The following BRD10 variants were observed in gnomAD, a reference collection of about 807,000 sequenced individuals.
BRD10 encodes the protein uncharacterized bromodomain-containing protein 10.
chr9:5,891,303 G>C, the BRD10 span: 4 of 152,224 alleles, frequency 2.6e-5, no homozygotes, highest in Non-Finnish European at 5.9e-5. Context: ...TGAGTTTGAG[G>C]TATGGGATGT....
At chr9:5,921,227 A>G in the BRD10 span, 20 of 1,613,990 alleles carry the variant, frequency 1.2e-5, no homozygotes, top group Admixed American at 1.7e-5. Flanking sequence ...TATAGCTGGC[A>G]CAGTGCCTGA....
At chr9:5,995,963 A>G in the BRD10 span, among the ~76,000 whole-genome samples, 1 of 152,216 alleles carries the variant, frequency 6.6e-6, no homozygotes, top group Non-Finnish European at 1.5e-5. Context: ...AAAAGTCAAA[A>G]AGAAAAACAG....
the BRD10 span, among the ~76,000 whole-genome samples, chr9:5,971,108 A>G: frequency 1.3e-5 from 2 of 150,688 alleles, no homozygotes; most frequent in East Asian, 1.9e-4. Context: ...TTGAATAGAT[A>G]TTTCTTTAAA....
the BRD10 span, chr9:6,007,382 C>A: frequency 3.7e-6 from 6 of 1,612,214 alleles, no homozygotes; most frequent in Non-Finnish European, 5.1e-6. Flanking sequence ...AGACACATGC[C>A]CTGTCCGGGC....
chr9:5,925,522 TA>T, the BRD10 span, among the ~76,000 whole-genome samples: 1 of 152,226 alleles, frequency 6.6e-6, no homozygotes, highest in East Asian at 1.9e-4. Flanking sequence ...ATTAGAGTCT[TA>T]AAATTACTGA....
At chr9:6,005,548 A>C in the BRD10 span, among the ~76,000 whole-genome samples, 1 of 152,330 alleles carries the variant, frequency 6.6e-6, no homozygotes, top group Non-Finnish European at 1.5e-5. Flanking sequence ...AGAGCTTTTG[A>C]AAACACCAGT....
chr9:5,937,482 C>A, the BRD10 span, among the ~76,000 whole-genome samples: 97 of 152,198 alleles, frequency 6.4e-4, no homozygotes, highest in African/African-American at 2.2e-3. Flanking sequence ...TTGCAGTGAG[C>A]CGAGATCATG....
At chr9:5,980,945 C>G in the BRD10 span, among the ~76,000 whole-genome samples, 2 of 152,190 alleles carry the variant, frequency 1.3e-5, no homozygotes, top group Non-Finnish European at 2.9e-5. Context: ...GTAACAACAA[C>G]AACAACAAAA....
the BRD10 span, among the ~76,000 whole-genome samples, chr9:5,992,440 A>G: frequency 1.3e-5 from 2 of 152,320 alleles, no homozygotes; most frequent in South Asian, 4.1e-4. Flanking sequence ...TAATCAGTGA[A>G]TAAAATAAGA....
chr9:5,931,265 A>C, the BRD10 span, among the ~76,000 whole-genome samples: 1 of 152,212 alleles, frequency 6.6e-6, no homozygotes, highest in Admixed American at 6.5e-5. Flanking sequence ...GACCTTACTT[A>C]GGCCTAGGTA....
At chr9:5,985,908 A>G in the BRD10 span, among the ~76,000 whole-genome samples, 1 of 152,202 alleles carries the variant, frequency 6.6e-6, no homozygotes, top group African/African-American at 2.4e-5. Flanking sequence ...ACTAGATGGC[A>G]TTTATGGCTA....
At chr9:5,897,463 A>G in the BRD10 span, 1 of 1,199,992 alleles carries the variant, frequency 8.3e-7, no homozygotes, top group Non-Finnish European at 1.2e-6. Flanking sequence ...CTGGGTCGTC[A>G]AAGTCCATAT....
chr9:5,993,312 T>TAAAAAAAAAAAAAAAAAAAAAAAAAA, the BRD10 span, among the ~76,000 whole-genome samples: 1 of 116,676 alleles, frequency 8.6e-6, no homozygotes, highest in Non-Finnish European at 1.6e-5. Context: ...GAGACTCCAT[T>TAAAAAAAAAAAAAAAAAAAAAAAAAA]AAAAAAAAAA....
At chr9:5,951,542 T>C in the BRD10 span, among the ~76,000 whole-genome samples, 1 of 152,208 alleles carries the variant, frequency 6.6e-6, no homozygotes, top group South Asian at 2.1e-4. Flanking sequence ...TATATTTTTA[T>C]GTTTAATGCT....
chr9:5,977,851 T>G, the BRD10 span, among the ~76,000 whole-genome samples: 2 of 149,596 alleles, frequency 1.3e-5, no homozygotes, highest in Non-Finnish European at 3.0e-5. Flanking sequence ...GAAAAAAAAA[T>G]GCTGAAGTAC....
chr9:6,006,851 A>G, the BRD10 span, among the ~76,000 whole-genome samples: 4 of 152,234 alleles, frequency 2.6e-5, no homozygotes, highest in African/African-American at 9.6e-5. Flanking sequence ...AAAACTGTCT[A>G]AAAGTTGCAG....
chr9:5,997,251 C>T, the BRD10 span, among the ~76,000 whole-genome samples: 1 of 152,198 alleles, frequency 6.6e-6, no homozygotes, highest in African/African-American at 2.4e-5. Context: ...GTAATGCTAT[C>T]AACTTTTCAT....
At chr9:5,901,347 T>G in the BRD10 span, among the ~76,000 whole-genome samples, 1 of 152,344 alleles carries the variant, frequency 6.6e-6, no homozygotes, top group Non-Finnish European at 1.5e-5. Context: ...GTTGATTTTT[T>G]GTACCTAGAT....
At chr9:6,007,242 G>A in the BRD10 span, 36 of 1,613,744 alleles carry the variant, frequency 2.2e-5, 1 homozygote, top group African/African-American at 6.7e-5. Context: ...CCAGCTTCTG[G>A]CCCTGTTTGG....
Sources: gnomAD v4.1 joint callset for allele counts (sites outside exome capture counted in the v4.1 genomes callset) on GRCh38, gnomAD v4.1.1 for gene constraint, MANE v1.5 for transcripts, NCBI Gene and HGNC (gene_info 2026-07-23, HGNC 2026-07-21) for gene names.